The following SEPTIN7 variants were observed in gnomAD, a reference collection of about 807,000 sequenced individuals.
The protein encoded by SEPTIN7 is septin-7.
SEPTIN7 carries 10 observed loss-of-function variants against 63.3 expected under a neutral mutation model. The ratio of observed to expected loss-of-function variants is 0.16; its 90% CI spans 0.10 to 0.27. SEPTIN7 has a LOEUF of 0.27. Ranked by LOEUF, SEPTIN7 falls within the 10% of genes least tolerant of loss-of-function variation. SEPTIN7 has a pLI of 1.00. For synonymous variants in SEPTIN7, 131 were observed against 165.3 expected (o/e 0.79, Z 1.59); for missense variants, 310 against 521.0 (o/e 0.59, Z 3.94).
chr7:35,845,222 T>C (rs1215228208), intron 3 of SEPTIN7, among the ~76,000 whole-genome samples: 1 of 152,088 alleles, frequency 6.6e-6, no homozygotes, highest in Admixed American at 6.5e-5. Context: ...TATATGAGTG[T>C]ACTACATATA....
chr7:35,915,543 G>A, the SEPTIN7 span, among the ~76,000 whole-genome samples: 1 of 152,154 alleles, frequency 6.6e-6, no homozygotes, highest in Non-Finnish European at 1.5e-5. Flanking sequence ...CACTATTTCT[G>A]TTTTCTGCTT....
intron 3 of SEPTIN7, among the ~76,000 whole-genome samples, chr7:35,842,471 G>A (rs1460254755): frequency 1.3e-5 from 2 of 152,012 alleles, no homozygotes; most frequent in African/African-American, 4.8e-5. Flanking sequence ...CTAAGGTACT[G>A]AAGGCTGTGG....
intron 3 of SEPTIN7, among the ~76,000 whole-genome samples, chr7:35,854,313 A>T (rs1244674725): frequency 2.0e-5 from 3 of 152,188 alleles, no homozygotes; most frequent in Non-Finnish European, 4.4e-5. Context: ...CACTGTCATT[A>T]TTTTTGATGC....
chr7:35,894,612 C>T (rs1256035159), intron 11 of SEPTIN7, among the ~76,000 whole-genome samples: 5 of 152,140 alleles, frequency 3.3e-5, no homozygotes, highest in Non-Finnish European at 7.4e-5. Context: ...AATACTCTCA[C>T]ATGGCAAAAC....
At chr7:35,803,326 G>A (rs1025387206) in intron 1 of SEPTIN7, among the ~76,000 whole-genome samples, 21 of 152,158 alleles carry the variant, frequency 1.4e-4, no homozygotes, top group African/African-American at 4.6e-4. Context: ...CAAGTCTGAG[G>A]CAAGTTAGGA....
chr7:35,890,969 T>G (rs1787604627), intron 11 of SEPTIN7, among the ~76,000 whole-genome samples, 176 bp downstream of exon 11: 1 of 152,236 alleles, frequency 6.6e-6, no homozygotes, highest in African/African-American at 2.4e-5. Context: ...CTTTTTTGAA[T>G]GAACCATTTT....
chr7:35,805,072 G>T (rs1340274399), intron 1 of SEPTIN7, among the ~76,000 whole-genome samples: 1 of 152,044 alleles, frequency 6.6e-6, no homozygotes, highest in African/African-American at 2.4e-5. Flanking sequence ...AGTAGAGACG[G>T]GGTTTCACCA....
At chr7:35,823,073 G>A (rs1783310097) in intron 1 of SEPTIN7, among the ~76,000 whole-genome samples, 1 of 151,744 alleles carries the variant, frequency 6.6e-6, no homozygotes, top group African/African-American at 2.4e-5. Flanking sequence ...AGGAATGGGT[G>A]GGAAGAAAAA....
intron 8 of SEPTIN7, among the ~76,000 whole-genome samples, chr7:35,883,374 A>G (rs1787018490): frequency 6.6e-6 from 1 of 152,174 alleles, no homozygotes; most frequent in Non-Finnish European, 1.5e-5. Flanking sequence ...ATAGCTGCTT[A>G]GGTATTTCTG....
At chr7:35,833,317 T>C (rs1783925534) in intron 3 of SEPTIN7, among the ~76,000 whole-genome samples, 1 of 152,036 alleles carries the variant, frequency 6.6e-6, no homozygotes, top group Admixed American at 6.5e-5. Flanking sequence ...TAGAGGATCA[T>C]AATAATGTAG....
At chr7:35,848,306 C>T (rs1418133538) in intron 3 of SEPTIN7, among the ~76,000 whole-genome samples, 6 of 151,946 alleles carry the variant, frequency 3.9e-5, no homozygotes, top group Non-Finnish European at 7.4e-5. Flanking sequence ...CTCGCTCTGT[C>T]GCCCAGGCTG....
chr7:35,821,457 G>C (rs577299381), intron 1 of SEPTIN7, among the ~76,000 whole-genome samples: 2 of 152,182 alleles, frequency 1.3e-5, no homozygotes, highest in South Asian at 4.2e-4. Context: ...TGGCTGCCTG[G>C]TATTTTAATA....
At chr7:35,882,260 C>T (rs914797552) in intron 7 of SEPTIN7, among the ~76,000 whole-genome samples, 5 of 149,556 alleles carry the variant, frequency 3.3e-5, no homozygotes, top group Non-Finnish European at 7.4e-5. Flanking sequence ...TTTAACACTT[C>T]GGAAGTAATT....
rs148365571 is a variant in SEPTIN7 at position 35,818,264 on chromosome 7, A to C, written c.62-13228A>C. 6.6e-5 allele frequency among the ~76,000 whole-genome samples: 10 copies of C among 152,116 alleles called. No individual in the cohort carries two copies. The East Asian group carries it at 1.9e-3, about 29-fold the overall frequency. On this transcript the variant is annotated intron_variant, in intron 1 of 13. Coordinates refer to ENST00000350320, the MANE Select transcript of SEPTIN7 (RefSeq NM_001788.6). ...GTTTGTTGTGTGTGGGTTTTAATTT[A>C]GTGTATTACATTGATTAATTTTCAT...
intron 1 of SEPTIN7, among the ~76,000 whole-genome samples, chr7:35,816,254 C>G (rs752521008): frequency 1.1e-4 from 16 of 152,134 alleles, no homozygotes; most frequent in Non-Finnish European, 2.1e-4. Context: ...CTTCCCTTGT[C>G]CTGGCAACCA....
At chr7:35,843,277 A>G (rs1434237988) in intron 3 of SEPTIN7, among the ~76,000 whole-genome samples, 2 of 152,140 alleles carry the variant, frequency 1.3e-5, no homozygotes, top group African/African-American at 4.8e-5. Flanking sequence ...ATGCAAGGCC[A>G]TTCTTCTCAT....
chr7:35,817,299 A>G (rs1395679532), intron 1 of SEPTIN7, among the ~76,000 whole-genome samples: 4 of 152,066 alleles, frequency 2.6e-5, no homozygotes, highest in South Asian at 4.1e-4. Flanking sequence ...ATTGTTGAAA[A>G]GACTAGTCTT....
At chr7:35,844,536 G>C (rs1259178367) in intron 3 of SEPTIN7, among the ~76,000 whole-genome samples, 3 of 152,168 alleles carry the variant, frequency 2.0e-5, no homozygotes, top group Non-Finnish European at 4.4e-5. Context: ...TTCTGTCACA[G>C]ACAAGCTGTA....
intron 6 of SEPTIN7, chr7:35,879,604 C>G: frequency 2.7e-6 from 1 of 368,954 alleles, no homozygotes; most frequent in Non-Finnish European, 5.0e-6. Context: ...AGGGCCAAAA[C>G]CCTGTGACCA....
Sources: allele counts gnomAD v4.1 joint callset (sites outside exome capture counted in the v4.1 genomes callset), GRCh38; gene constraint gnomAD v4.1.1; transcripts MANE v1.5; gene names NCBI Gene and HGNC (gene_info 2026-07-23, HGNC 2026-07-21).